Variants in TMEM138 observed in about 807,000 individuals in gnomAD.
The protein encoded by TMEM138 is transmembrane protein 138.
Under a neutral mutation model 18.1 loss-of-function variants are expected in TMEM138, and 9 were observed. That is an observed-to-expected ratio of 0.50 (90% CI 0.30 to 0.87). The LOEUF (loss-of-function observed/expected upper bound fraction) is 0.87, where lower values mean the gene tolerates loss of function less well. Ranked by LOEUF, TMEM138 falls within the 40% of genes least tolerant of loss-of-function variation. The pLI, the probability that TMEM138 is intolerant of heterozygous loss-of-function variation, is 0.06. For missense variants in TMEM138, 189 were observed against 190.6 expected, an observed-to-expected ratio of 0.99 and a Z score of 0.05; for synonymous variants, 79 against 74.8, an observed-to-expected ratio of 1.06 and a Z score of -0.29.
chr11:61,372,421 C>T (rs1156416645), downstream of TMEM138, among the ~76,000 whole-genome samples: 1 of 150,894 alleles, frequency 6.6e-6, no homozygotes, highest in African/African-American at 2.4e-5. Flanking sequence ...CCTGCCTCAG[C>T]CTCCTGAGTT....
chr11:61,364,500 T>G lies in TMEM138; in HGVS notation c.110T>G (p.Ile37Ser). 1 of 1,614,204 alleles carries G rather than the reference T, an allele frequency of 6.2e-7. No individual in the cohort carries two copies. Among genetic ancestry groups the G allele is most frequent in the South Asian group, 1.1e-5 (1 of 91,082 alleles). ...FSELLQKTPVIQLVLFIIQDI... is the reference protein window; with the variant it reads ...FSELLQKTPVSQLVLFIIQDI... ...GAACTGCTCCAAAAGACTCCTGTCA[T>G]CCAGCTTGTGCTCTTCATGTGCGTG... Residue 37 changes from isoleucine (I) to serine (S), a missense_variant, in exon 2 of 5, where the codon ATC becomes AGC. By Grantham distance (142) the Ile-to-Ser change is moderately radical. Coordinates refer to ENST00000278826, the MANE Select transcript of TMEM138 (RefSeq NM_016464.5).
At chr11:61,373,230 G>A (rs185070853), downstream of TMEM138, among the ~76,000 whole-genome samples, 12 of 152,166 alleles carry the variant, frequency 7.9e-5, no homozygotes, top group South Asian at 2.1e-4. Context: ...AGAAAGAGGC[G>A]GACAGATGAG....
At chr11:61,373,833 TTA>T (rs1279567346), downstream of TMEM138, among the ~76,000 whole-genome samples, 6 of 151,752 alleles carry the variant, frequency 4.0e-5, no homozygotes, top group Non-Finnish European at 8.8e-5. Flanking sequence ...TAATTATTTT[TTA>T]TTTTTTATTT....
In TMEM138 at chr11:61,366,206, T is replaced by A; in HGVS notation, c.290T>A (p.Val97Asp). 2 of 1,612,980 alleles carry A rather than the reference T, an allele frequency of 1.2e-6. No homozygotes were observed. The highest frequency in any genetic ancestry group is 1.7e-6 in the Non-Finnish European group (2 of 1,179,642). Residue 97 changes from valine to aspartate, a missense_variant, in exon 3 of 5, where the codon GTC (valine) becomes GAC (aspartate). Transcript: ENST00000278826. ...TTTGCCCTCAGCATCTCCCTTCATG[T>A]CTGGGTCATGGTAAGAGTGGCAGTC... ...VYFALSISLH[V>D]WVMNLRWKNS...
At position 61,362,395 on chromosome 11, in the gene TMEM138, A is replaced by G. The variant is rs904225878; in HGVS notation, c.-165A>G. On this transcript the variant is annotated 5_prime_UTR_variant, in exon 1 of 5. It removes an upstream start codon present in the reference 5' UTR. Coordinates refer to ENST00000278826, the MANE Select transcript of TMEM138 (RefSeq NM_016464.5). ...TTCCGGAAGCCGGGACGATGTCCGC[A>G]TGACAACCGACGTTGGAGTTTGGAG... The G allele has an allele frequency of 2.0e-5, 3 of 152,258 alleles. No homozygotes were observed. Among genetic ancestry groups the G allele is most frequent in the Admixed American group, 6.5e-5 (1 of 15,288 alleles). The allele number at this position is 152,258 out of a possible 1,614,324, so 9.4% of individuals were successfully genotyped here. A position where few individuals can be genotyped will look rare whatever the true frequency, so the allele number is the denominator to read the frequency against.
downstream of TMEM138, among the ~76,000 whole-genome samples, chr11:61,374,765 A>G (rs890802608): frequency 3.9e-5 from 6 of 152,332 alleles, no homozygotes; most frequent in Non-Finnish European, 7.3e-5. Context: ...CCTGGCCAAC[A>G]AGGTGAAACC....
chr11:61,367,809 G>A (rs1415326192), intron 3 of TMEM138, 114 bp from the exon 4 acceptor site: 5 of 709,596 alleles, frequency 7.0e-6, no homozygotes, highest in Non-Finnish European at 7.6e-6. Context: ...GTTGTAGAAA[G>A]GAGGAAGAGG....
At chr11:61,375,110 T>G (rs1446443785), downstream of TMEM138, among the ~76,000 whole-genome samples, 1 of 152,166 alleles carries the variant, frequency 6.6e-6, no homozygotes. Flanking sequence ...AGGAATTAAT[T>G]GCATGGACTA....
At position 61,365,497 on chromosome 11, in the gene TMEM138, G is replaced by A. The variant is rs1175040217; in HGVS notation, c.129-548G>A. On this transcript the variant is annotated intron_variant, in intron 2 of 4. Coordinates refer to ENST00000278826, the MANE Select transcript of TMEM138 (RefSeq NM_016464.5). ...GGGTTTTGCCATGTTGGCCAGGCTG[G>A]TCTCAAACTCTTGACCTCAAGTGAT... Among the ~76,000 whole-genome samples the A allele has an allele frequency of 2.0e-5, 3 of 152,180 alleles. No individual in the cohort carries two copies. In the East Asian group the frequency reaches 5.8e-4, roughly 30 times the overall value.
Position 61,368,803 on chromosome 11 carries a change from T to C in TMEM138, c.*94T>C. On this transcript the variant is annotated 3_prime_UTR_variant, in exon 5 of 5. Coordinates refer to ENST00000278826, the MANE Select transcript of TMEM138 (RefSeq NM_016464.5). ...TTGGCCCTATGCATGGGCAAACAGCTGGACTTTCCAAGGAAGGTTCAGACT... is the reference window on the plus strand; with the variant it reads ...TTGGCCCTATGCATGGGCAAACAGCCGGACTTTCCAAGGAAGGTTCAGACT... 2 of 922,580 alleles carry C rather than the reference T, an allele frequency of 2.2e-6. No individual in the cohort carries two copies. Among genetic ancestry groups the C allele is most frequent in the Non-Finnish European group, 3.5e-6 (2 of 574,060 alleles). 57.1% of individuals were successfully genotyped at this position (922,580 alleles called of 1,614,324 possible). A position where few individuals can be genotyped will look rare whatever the true frequency, so the allele number is the denominator to read the frequency against.
chr11:61,372,837 C>T (rs1359290748), downstream of TMEM138, among the ~76,000 whole-genome samples: 1 of 150,124 alleles, frequency 6.7e-6, no homozygotes, highest in Non-Finnish European at 1.5e-5. Flanking sequence ...CAAGTCCAAG[C>T]ATTTCATTAA....
chr11:61,367,952 C>T lies in TMEM138; in HGVS notation c.330C>T (p.Phe110=). 6.2e-7 allele frequency: 1 copy of T among 1,613,730 alleles called. No individual in the cohort carries two copies. Among genetic ancestry groups the T allele is most frequent in the Non-Finnish European group, 8.5e-7 (1 of 1,179,640 alleles). The change falls in exon 4 of 5, where the codon TTC becomes TTT. Residue 110 remains phenylalanine (F), a synonymous_variant. Coordinates refer to ENST00000278826, the MANE Select transcript of TMEM138 (RefSeq NM_016464.5). The stretch of plus-strand genomic sequence containing the variant: ...TACGCTGGAAAAACTCCAACAGCTT[C>T]ATATGGACAGATGGACTTCAAATGC... ...MNLRWKNSNS[F]IWTDGLQMLF...
chr11:61,370,796 A>G (rs1271243261), downstream of TMEM138, among the ~76,000 whole-genome samples: 2 of 152,068 alleles, frequency 1.3e-5, no homozygotes, highest in Non-Finnish European at 2.9e-5. Flanking sequence ...TCCATAGACT[A>G]TAGGATACAT....
intron 3 of TMEM138, chr11:61,366,786 G>T (rs1190951234): frequency 6.6e-6 from 1 of 152,254 alleles, no homozygotes; most frequent in East Asian, 1.9e-4. Flanking sequence ...TTTTCTCTGG[G>T]AACCCAGCTT....
intron 3 of TMEM138, chr11:61,367,175 A>AC (rs950311677): frequency 6.6e-6 from 1 of 152,072 alleles, no homozygotes; most frequent in African/African-American, 2.4e-5. Context: ...AGCTCCCATC[A>AC]CTTTAACTAG....
At position 61,368,980 on chromosome 11, in the gene TMEM138, C is replaced by T. The variant is rs751786267; in HGVS notation, c.*271C>T. 6.6e-5 allele frequency: 26 copies of T among 394,764 alleles called. No homozygotes were observed. Among genetic ancestry groups the T allele is most frequent in the East Asian group, 9.5e-5 (2 of 21,094 alleles). The allele number at this position is 394,764 out of a possible 1,614,324, so 24.5% of individuals were successfully genotyped here. Reference sequence around the variant, plus strand: ...CTCTGTACCATTCATTCTCCCTGACCGGCCTTTCTTGCCGAGGGTTCTGTG... The same window carrying T: ...CTCTGTACCATTCATTCTCCCTGACTGGCCTTTCTTGCCGAGGGTTCTGTG... On this transcript the variant is annotated 3_prime_UTR_variant, in exon 5 of 5. Transcript: ENST00000278826.
At chr11:61,365,494 C>G (rs2135156204) in intron 2 of TMEM138, among the ~76,000 whole-genome samples, 2 of 152,216 alleles carry the variant, frequency 1.3e-5, no homozygotes, top group South Asian at 4.1e-4. Flanking sequence ...GTTGGCCAGG[C>G]TGGTCTCAAA....
chr11:61,368,528 G>T lies in TMEM138; in HGVS notation c.377-69G>T, dbSNP rs1413515371. On this transcript the variant is annotated intron_variant, in intron 4 of 4. Transcript: ENST00000278826. ...GGCGTGAGCCACCACGCCTGGCCAGGTTCTGTTCTTAACCTGAAATGATAC... is the reference window on the plus strand; with the variant it reads ...GGCGTGAGCCACCACGCCTGGCCAGTTTCTGTTCTTAACCTGAAATGATAC... 3.6e-6 allele frequency: 4 copies of T among 1,123,258 alleles called. No individual in the cohort carries two copies. The East Asian group carries it at 7.2e-5, about 20-fold the overall frequency. The allele number at this position is 1,123,258 out of a possible 1,614,324, so 69.6% of individuals were successfully genotyped here.
chr11:61,376,281 G>A (rs901473253), downstream of TMEM138, among the ~76,000 whole-genome samples: 1 of 152,020 alleles, frequency 6.6e-6, no homozygotes, highest in African/African-American at 2.4e-5. Flanking sequence ...CCCAGGAGGT[G>A]GAGGTTGCAG....
Sources: gnomAD v4.1 joint callset for allele counts (sites outside exome capture counted in the v4.1 genomes callset) on GRCh38, gnomAD v4.1.1 for gene constraint, MANE v1.5 for transcripts, NCBI Gene and HGNC (gene_info 2026-07-23, HGNC 2026-07-21) for gene names.